Variants in NELL1 observed in about 807,000 individuals in gnomAD.
The protein encoded by NELL1 is protein kinase C-binding protein NELL1.
NELL1 carries 76 observed loss-of-function variants against 107.4 expected under a neutral mutation model. The observed-to-expected ratio is 0.71, with a 90% CI of 0.59 to 0.86. The LOEUF (loss-of-function observed/expected upper bound fraction) is 0.86, where lower values mean the gene tolerates loss of function less well. NELL1 is among the 40% of genes least tolerant of loss of function. NELL1 has a pLI of 0.00. For missense variants in NELL1, 1,024 were observed against 1,005.5 expected (o/e 1.02, Z -0.25); for synonymous variants, 353 against 341.2 (o/e 1.03, Z -0.38).
At chr11:20,957,265 TGGAGGTCTAGAG>T (rs1851194521) in intron 11 of NELL1, among the ~76,000 whole-genome samples, 1 of 152,198 alleles carries the variant, frequency 6.6e-6, no homozygotes, top group Non-Finnish European at 1.5e-5. Flanking sequence ...TGACTCTAGA[TGGAGGTCTAGAG>T]GAGAAAATCT....
chr11:21,284,587 T>C (rs75136481), intron 14 of NELL1: 3 of 447,980 alleles, frequency 6.7e-6, no homozygotes, highest in Admixed American at 4.7e-5. Flanking sequence ...CCCCAACAGT[T>C]TGATGTCATG....
At chr11:20,935,549 C>T (rs148642043) in intron 9 of NELL1, 3 of 152,308 alleles carry the variant, frequency 2.0e-5, no homozygotes, top group Non-Finnish European at 2.9e-5. Context: ...CATGAATGGC[C>T]TTGTTTGCTG....
intron 13 of NELL1, among the ~76,000 whole-genome samples, chr11:21,154,490 T>C (rs1856187858): frequency 6.6e-6 from 1 of 152,204 alleles, no homozygotes; most frequent in African/African-American, 2.4e-5. Flanking sequence ...TATGCTAAGT[T>C]ATGAGACTCC....
rs567738451 is a variant in NELL1, at chr11:21,069,214, A to T, written c.1301-44375A>T. On this transcript the variant is annotated intron_variant, in intron 12 of 19. Transcript: ENST00000357134. Reference sequence around the variant, plus strand: ...GGTGATGGGATGATCTGTGCAGCAAACCACCAGGACACACATTTACCTATG... The same window carrying T: ...GGTGATGGGATGATCTGTGCAGCAATCCACCAGGACACACATTTACCTATG... Among the ~76,000 whole-genome samples, 48 of 152,306 alleles carry T rather than the reference A, an allele frequency of 3.2e-4. 1 individual carries two copies. The highest frequency in any genetic ancestry group is 6.3e-4 in the Non-Finnish European group (43 of 68,012).
intron 3 of NELL1, among the ~76,000 whole-genome samples, chr11:20,807,156 A>T (rs1158385134): frequency 6.6e-6 from 1 of 151,846 alleles, no homozygotes; most frequent in Non-Finnish European, 1.5e-5. Flanking sequence ...TAGTCTTCAC[A>T]GTCTGGGCTT....
intron 16 of NELL1, among the ~76,000 whole-genome samples, chr11:21,557,344 T>C (rs1856739882): frequency 6.6e-6 from 1 of 152,090 alleles, no homozygotes; most frequent in Non-Finnish European, 1.5e-5. Flanking sequence ...TTTATCTTTA[T>C]GCTCAGCCTT....
In NELL1 at chr11:20,918,174, T is replaced by C; in HGVS notation, c.604-8T>C. On this transcript the variant is annotated splice_polypyrimidine_tract_variant and splice_region_variant and intron_variant, in intron 5 of 19. Transcript: ENST00000357134. ...TCTTGATTGCCACCTGTCTCTTCTA[T>C]TATCAAGGGGATCATCCAAGATGGG... 1 of 1,548,772 alleles carries C rather than the reference T, an allele frequency of 6.5e-7. No individual in the cohort carries two copies. The highest frequency in any genetic ancestry group is 1.1e-5 in the South Asian group (1 of 89,714).
chr11:21,541,689 G>T (rs1053233300), intron 16 of NELL1, among the ~76,000 whole-genome samples: 1 of 152,024 alleles, frequency 6.6e-6, no homozygotes, highest in African/African-American at 2.4e-5. Flanking sequence ...GTCCGAAATC[G>T]GCCTCTTTCT....
At chr11:21,275,012 A>G (rs1848823097) in intron 14 of NELL1, among the ~76,000 whole-genome samples, 1 of 152,198 alleles carries the variant, frequency 6.6e-6, no homozygotes, top group Non-Finnish European at 1.5e-5. Context: ...GAGCGAACAC[A>G]TTCAAAAGCT....
chr11:21,054,940 C>T (rs1853577641), intron 12 of NELL1, among the ~76,000 whole-genome samples: 1 of 151,886 alleles, frequency 6.6e-6, no homozygotes, highest in Non-Finnish European at 1.5e-5. Context: ...TCTTTCCTTG[C>T]TTTTATAATT....
At chr11:20,871,308 C>T (rs1317974672) in intron 4 of NELL1, among the ~76,000 whole-genome samples, 2 of 152,164 alleles carry the variant, frequency 1.3e-5, no homozygotes, top group African/African-American at 4.8e-5. Context: ...GAGAGTGTAT[C>T]TGGCTGGGAC....
chr11:21,099,411 T>G (rs560957473), intron 12 of NELL1, among the ~76,000 whole-genome samples: 1 of 151,888 alleles, frequency 6.6e-6, no homozygotes, highest in South Asian at 2.1e-4. Context: ...TCATCTCATC[T>G]TGTGAAGGGA....
At position 21,134,781 on chromosome 11, in the gene NELL1, G is replaced by A. The variant is rs377145058; in HGVS notation, c.1426+21067G>A. Among the ~76,000 whole-genome samples, 4 of 152,246 alleles carry A rather than the reference G, an allele frequency of 2.6e-5. No homozygotes were observed. The East Asian group carries it at 7.7e-4, about 29-fold the overall frequency. On this transcript the variant is annotated intron_variant, in intron 13 of 19. Transcript: ENST00000357134. ...TAATCTATTAAATAGAGCGTGCTTT[G>A]AAATGTAAAGTCCAAATGATTGAGT...
rs189462812 is a variant in NELL1 at position 20,810,720 on chromosome 11, T to C, written c.335+26890T>C. ...TTTTGTATAATGACCTCTTTTCCTC[T>C]GGGTAGATACCCAGTAGTGGGATTG... On this transcript the variant is annotated intron_variant, in intron 3 of 19. Transcript: ENST00000357134. Among the ~76,000 whole-genome samples, 21 of 152,316 alleles carry C rather than the reference T, an allele frequency of 1.4e-4. No individual in the cohort carries two copies. In the East Asian group the frequency reaches 3.1e-3, roughly 22 times the overall value.
chr11:21,520,317 GGGTGGGCT>G (rs774369275), intron 15 of NELL1, among the ~76,000 whole-genome samples: 10 of 152,006 alleles, frequency 6.6e-5, no homozygotes, highest in Non-Finnish European at 1.3e-4. Flanking sequence ...CTTGCTCTAG[GGGTGGGCT>G]GGTAACCAGA....
At chr11:21,435,503 GT>G (rs71034522) in intron 15 of NELL1, among the ~76,000 whole-genome samples, 18 of 139,318 alleles carry the variant, frequency 1.3e-4, no homozygotes, top group African/African-American at 2.7e-4. Context: ...TTTGTTTTTT[GT>G]TTTTTTTTAC....
chr11:20,878,131 C>A (rs1259452476), intron 4 of NELL1, among the ~76,000 whole-genome samples: 1 of 151,890 alleles, frequency 6.6e-6, no homozygotes, highest in East Asian at 1.9e-4. Flanking sequence ...GAGGCTGAGG[C>A]GGGTGGATCA....
intron 3 of NELL1, among the ~76,000 whole-genome samples, chr11:20,797,335 C>T (rs573853121): frequency 6.6e-6 from 1 of 151,704 alleles, no homozygotes; most frequent in South Asian, 2.1e-4. Context: ...GAGGCTGAGG[C>T]GGGTAGATCA....
At chr11:21,449,511 T>C (rs1314650403) in intron 15 of NELL1, among the ~76,000 whole-genome samples, 1 of 152,156 alleles carries the variant, frequency 6.6e-6, no homozygotes, top group African/African-American at 2.4e-5. Context: ...GCTTTGTGGC[T>C]TGTCTTTTTA....
Sources: gnomAD v4.1 joint callset for allele counts (sites outside exome capture counted in the v4.1 genomes callset) on GRCh38, gnomAD v4.1.1 for gene constraint, MANE v1.5 for transcripts, NCBI Gene and HGNC (gene_info 2026-07-23, HGNC 2026-07-21) for gene names.